Variants in IQCJ observed in about 807,000 individuals in gnomAD.
IQCJ encodes IQ domain-containing protein J.
IQCJ carries 9 observed loss-of-function variants against 11.0 expected under a neutral mutation model. The observed-to-expected ratio is 0.82, with a 90% confidence interval of 0.49 to 1.43. The LOEUF (loss-of-function observed/expected upper bound fraction) is 1.43, where lower values mean the gene tolerates loss of function less well. IQCJ is among the 40% of genes most tolerant of loss of function. The pLI is 0.00. For missense variants in IQCJ, 146 were observed against 133.2 expected (o/e 1.10, Z -0.47); for synonymous variants, 55 against 51.3 (o/e 1.07, Z -0.31).
chr3:159,237,910 A>G (rs1377229594), intron 1 of IQCJ, among the ~76,000 whole-genome samples: 4 of 152,210 alleles, frequency 2.6e-5, no homozygotes, highest in Non-Finnish European at 5.9e-5. Flanking sequence ...CAGGGCAAAC[A>G]AAAGAAACTT....
At chr3:159,076,184 A>G (rs1480207069) in intron 1 of IQCJ, among the ~76,000 whole-genome samples, 4 of 152,102 alleles carry the variant, frequency 2.6e-5, no homozygotes, top group Non-Finnish European at 5.9e-5. Flanking sequence ...GTGGGAGTCC[A>G]TCTGCTCATC....
In IQCJ at chr3:159,263,457, C is replaced by T. The variant is rs1268760756; in HGVS notation, c.*726C>T. ...GCTGGAAGTCTTTATTTTTAAAAAA[C>T]ACCAAAAGTGGGAAGAAATCAGTGA... On this transcript the variant is annotated 3_prime_UTR_variant, in exon 4 of 4. Transcript: ENST00000397832. 2 of 984,126 alleles carry T rather than the reference C, an allele frequency of 2.0e-6. No homozygotes were observed. Among genetic ancestry groups the T allele is most frequent in the South Asian group, 4.7e-5 (1 of 21,256 alleles). 61.0% of individuals were successfully genotyped at this position (984,126 alleles called of 1,614,324 possible).
chr3:159,161,247 T>A (rs867749547), intron 1 of IQCJ, among the ~76,000 whole-genome samples: 12 of 152,340 alleles, frequency 7.9e-5, no homozygotes, highest in African/African-American at 1.9e-4. Context: ...GGTATGTCAT[T>A]GTGGTTTTGA....
At chr3:159,176,680 A>T (rs1349241098) in intron 1 of IQCJ, among the ~76,000 whole-genome samples, 1 of 152,200 alleles carries the variant, frequency 6.6e-6, no homozygotes, top group Non-Finnish European at 1.5e-5. Flanking sequence ...ACATATAAAA[A>T]ATGCTATGAT....
intron 1 of IQCJ, among the ~76,000 whole-genome samples, chr3:159,156,610 G>T (rs1721535133): frequency 1.3e-5 from 2 of 152,194 alleles, no homozygotes; most frequent in Non-Finnish European, 2.9e-5. Context: ...AACCTGATGG[G>T]TGTTTTCCAA....
intron 1 of IQCJ, among the ~76,000 whole-genome samples, chr3:159,083,923 C>T (rs753884542): frequency 6.6e-5 from 10 of 151,856 alleles, no homozygotes; most frequent in South Asian, 6.2e-4. Context: ...GGGAAGGAGG[C>T]GGGTGGGCCG....
intron 1 of IQCJ, among the ~76,000 whole-genome samples, chr3:159,116,849 T>G (rs1198950462): frequency 2.0e-5 from 3 of 151,608 alleles, no homozygotes; most frequent in Non-Finnish European, 4.4e-5. Context: ...GTCTTAAAAG[T>G]CTCTTCTTGA....
At chr3:159,239,753 C>T (rs961095337) in intron 1 of IQCJ, among the ~76,000 whole-genome samples, 3 of 152,106 alleles carry the variant, frequency 2.0e-5, no homozygotes, top group African/African-American at 7.2e-5. Flanking sequence ...ACAAAGGTTG[C>T]AATACAATAT....
At chr3:159,239,608 T>C (rs1025492140) in intron 1 of IQCJ, among the ~76,000 whole-genome samples, 4 of 152,212 alleles carry the variant, frequency 2.6e-5, no homozygotes, top group Non-Finnish European at 4.4e-5. Flanking sequence ...TTTTTAAGAA[T>C]AGTTAAGATT....
chr3:159,181,927 T>C (rs993249821), intron 1 of IQCJ, among the ~76,000 whole-genome samples: 2 of 144,908 alleles, frequency 1.4e-5, no homozygotes, highest in African/African-American at 5.8e-5. Context: ...AATCATGCCA[T>C]TCCCCTCTTA....
chr3:159,175,062 TA>T (rs1722697047), intron 1 of IQCJ, among the ~76,000 whole-genome samples: 1 of 152,236 alleles, frequency 6.6e-6, no homozygotes, highest in Non-Finnish European at 1.5e-5. Context: ...TTGCTGATTT[TA>T]ATTTTATCAG....
chr3:159,152,995 T>A (rs541328162), intron 1 of IQCJ, among the ~76,000 whole-genome samples: 25 of 152,358 alleles, frequency 1.6e-4, no homozygotes, highest in African/African-American at 5.5e-4. Flanking sequence ...GAAAAAATTA[T>A]TTTGAGTTCC....
At chr3:159,123,824 G>C (rs1214503271) in intron 1 of IQCJ, among the ~76,000 whole-genome samples, 1 of 152,110 alleles carries the variant, frequency 6.6e-6, no homozygotes, top group East Asian at 1.9e-4. Flanking sequence ...GTGACAAAAA[G>C]CTTCACGACA....
chr3:159,200,049 A>ATATATATAT (rs1560022977), intron 1 of IQCJ, among the ~76,000 whole-genome samples: 1 of 102,696 alleles, frequency 9.7e-6, no homozygotes, highest in African/African-American at 4.7e-5. Context: ...TATATATATA[A>ATATATATAT]ATCTAAATTA....
intron 1 of IQCJ, among the ~76,000 whole-genome samples, chr3:159,079,989 C>T (rs1716202533): frequency 6.6e-6 from 1 of 152,016 alleles, no homozygotes; most frequent in Non-Finnish European, 1.5e-5. Flanking sequence ...TTAGTACAAG[C>T]ATATGATTAA....
chr3:159,240,043 T>G (rs566790142), intron 1 of IQCJ, among the ~76,000 whole-genome samples: 1 of 152,096 alleles, frequency 6.6e-6, no homozygotes, highest in East Asian at 1.9e-4. Context: ...CTGTTACTTA[T>G]GTCATTGGAG....
chr3:159,114,797 C>T (rs551843797), intron 1 of IQCJ, among the ~76,000 whole-genome samples: 90 of 152,298 alleles, frequency 5.9e-4, no homozygotes, highest in African/African-American at 2.0e-3. Flanking sequence ...AACAATACCC[C>T]CTTCTCTTAG....
rs574968195 is a variant in IQCJ, at chr3:159,233,271, G to A, written c.10-12572G>A. On this transcript the variant is annotated intron_variant, in intron 1 of 3. Coordinates refer to ENST00000397832, the MANE Select transcript of IQCJ (RefSeq NM_001042706.3). ...GGTATGAAGTCCTGCCAGGCCCAGG[G>A]GCTTAGGCTCTATCTGCTAGGTGAG... 3.3e-5 allele frequency among the ~76,000 whole-genome samples: 5 copies of A among 152,208 alleles called. No individual in the cohort carries two copies. The South Asian group carries it at 1.0e-3, about 32-fold the overall frequency.
At chr3:159,149,899 T>A (rs947280743) in intron 1 of IQCJ, among the ~76,000 whole-genome samples, 3 of 152,156 alleles carry the variant, frequency 2.0e-5, no homozygotes, top group African/African-American at 7.2e-5. Context: ...CATCTCTCCC[T>A]GCCTCCTTCA....
Sources: allele counts gnomAD v4.1 joint callset (sites outside exome capture counted in the v4.1 genomes callset), GRCh38; gene constraint gnomAD v4.1.1; transcripts MANE v1.5; gene names NCBI Gene and HGNC (gene_info 2026-07-23, HGNC 2026-07-21).